Variants in FAM124A observed in about 807,000 individuals in gnomAD.
The protein encoded by FAM124A is protein FAM124A.
A neutral mutation model predicts 24.5 loss-of-function variants in FAM124A; 23 were observed. The observed-to-expected ratio is 0.94, with a 90% CI of 0.68 to 1.33. The LOEUF is 1.33. Among genes scored for constraint, FAM124A ranks in the 40% most tolerant of loss-of-function variants. FAM124A has a pLI of 0.00. For synonymous variants in FAM124A, 287 were observed against 314.7 expected (o/e 0.91, Z 0.93); for missense variants, 623 against 722.8 (o/e 0.86, Z 1.58).
chr13:51,241,985 G>A (rs1954500679), intron 2 of FAM124A, among the ~76,000 whole-genome samples: 2 of 152,178 alleles, frequency 1.3e-5, no homozygotes, highest in Admixed American at 6.5e-5. Context: ...ATAATTGTAA[G>A]GATTCCTCCC....
chr13:51,246,397 C>CGG (rs1954559291), intron 2 of FAM124A, among the ~76,000 whole-genome samples: 2 of 106,312 alleles, frequency 1.9e-5, no homozygotes, highest in Non-Finnish European at 2.1e-5. Context: ...GCATGTTTCT[C>CGG]GTGGGGTGGG....
chr13:51,241,866 A>G, intron 2 of FAM124A, among the ~76,000 whole-genome samples: 1 of 152,194 alleles, frequency 6.6e-6, no homozygotes, highest in Non-Finnish European at 1.5e-5. Flanking sequence ...TTTTATAAGC[A>G]CATATGCAGT....
chr13:51,230,251 A>G (rs1470267083), intron 1 of FAM124A, among the ~76,000 whole-genome samples: 2 of 152,286 alleles, frequency 1.3e-5, no homozygotes, highest in East Asian at 1.9e-4. Context: ...CAATAAATCA[A>G]TGCAGCATTT....
In FAM124A at chr13:51,246,401, G is replaced by GGC. The variant is rs1555273674; in HGVS notation, c.101-5066_101-5065insCG. Among the ~76,000 whole-genome samples, 114 of 122,520 alleles carry GGC rather than the reference G, an allele frequency of 9.3e-4. 4 individuals are homozygous for GGC. The highest frequency in any genetic ancestry group is 8.7e-3 in the South Asian group (29 of 3,316). The allele number at this position is 122,520 out of a possible 152,430, so 80.4% of individuals were successfully genotyped here. On this transcript the variant is annotated intron_variant, in intron 2 of 3. Transcript: ENST00000322475. Reference sequence around the variant, plus strand: ...GCTCCACAGAGGCATGTTTCTCGTGGGGTGGGGGGGGGTGTAACTCTAACA... The same window carrying GGC: ...GCTCCACAGAGGCATGTTTCTCGTGGGCGGTGGGGGGGGGTGTAACTCTAACA...
chr13:51,272,111 A>T lies in FAM124A; in HGVS notation c.835-8339A>T, dbSNP rs1395723423. ...GATAAGTATCTCACACTTAAAGTTC[A>T]GAGAAGCTCTAGCTGTGAGACCAGC... On this transcript the variant is annotated intron_variant, in intron 3 of 3. Coordinates refer to ENST00000322475, the MANE Select transcript of FAM124A (RefSeq NM_001242312.2). The surrounding 1 kb of genome is among the most constrained non-coding windows in gnomAD (Gnocchi z 4.2). Among the ~76,000 whole-genome samples the T allele has an allele frequency of 2.0e-5, 3 of 152,236 alleles. No individual in the cohort carries two copies. The highest frequency in any genetic ancestry group is 4.4e-5 in the Non-Finnish European group (3 of 68,044).
intron 3 of FAM124A, among the ~76,000 whole-genome samples, chr13:51,270,007 C>T (rs946519809): frequency 1.3e-5 from 2 of 152,178 alleles, no homozygotes; most frequent in South Asian, 4.1e-4. Flanking sequence ...TGAGACAGTT[C>T]TGGGGGCCAG....
chr13:51,252,522 T>G, intron 3 of FAM124A: 2 of 383,128 alleles, frequency 5.2e-6, no homozygotes, highest in Non-Finnish European at 4.7e-6. Context: ...GCTTATAAGC[T>G]AGGGAATTTG....
intron 2 of FAM124A, among the ~76,000 whole-genome samples, chr13:51,236,171 T>G (rs927092747): frequency 6.6e-6 from 1 of 152,150 alleles, no homozygotes; most frequent in South Asian, 2.1e-4. Flanking sequence ...ATCACTCTTA[T>G]TGAGAGAAAA....
chr13:51,228,662 T>C (rs185894086), intron 1 of FAM124A, among the ~76,000 whole-genome samples: 63 of 152,334 alleles, frequency 4.1e-4, no homozygotes, highest in Non-Finnish European at 7.5e-4. Flanking sequence ...CCTAATGAAA[T>C]ACCTGGTTAT....
chr13:51,232,596 C>T (rs1416626391), intron 2 of FAM124A, among the ~76,000 whole-genome samples: 2 of 152,252 alleles, frequency 1.3e-5, no homozygotes, highest in Non-Finnish European at 2.9e-5. Flanking sequence ...TCAGTTCAGC[C>T]AACTGGAGAC....
At chr13:51,241,622 G>T (rs1325166389) in intron 2 of FAM124A, among the ~76,000 whole-genome samples, 1 of 152,038 alleles carries the variant, frequency 6.6e-6, no homozygotes, top group South Asian at 2.1e-4. Context: ...CAGTAAGTTT[G>T]TTCTCCAAAT....
Position 51,283,070 on chromosome 13 carries a change from C to T in FAM124A, c.*1814C>T, listed in dbSNP as rs1954955564. On this transcript the variant is annotated 3_prime_UTR_variant, in exon 4 of 4. Coordinates refer to ENST00000322475, the MANE Select transcript of FAM124A (RefSeq NM_001242312.2). ...ATTTTTTTTTTATTTGAGACGGGGT[C>T]TTGCTCTGTTGCCCAGGCTGGAGTG... 6.6e-6 allele frequency: 1 copy of T among 152,018 alleles called. No individual in the cohort carries two copies. Among genetic ancestry groups the T allele is most frequent in the African/African-American group, 2.4e-5 (1 of 41,356 alleles). 9.4% of individuals were successfully genotyped at this position (152,018 alleles called of 1,614,324 possible). A position where few individuals can be genotyped will look rare whatever the true frequency, so the allele number is the denominator to read the frequency against.
chr13:51,266,168 T>C (rs1954784173), intron 3 of FAM124A, among the ~76,000 whole-genome samples: 1 of 152,152 alleles, frequency 6.6e-6, no homozygotes, highest in Non-Finnish European at 1.5e-5. Context: ...TAGGGGATAG[T>C]TTTGGGGGCC....
At chr13:51,231,819 G>A (rs1218964924) in intron 2 of FAM124A, among the ~76,000 whole-genome samples, 1 of 152,170 alleles carries the variant, frequency 6.6e-6, no homozygotes, top group African/African-American at 2.4e-5. Flanking sequence ...TCCAATGGAG[G>A]GAACATCTAT....
In FAM124A at chr13:51,246,402, G is replaced by C. The variant is rs561840119; in HGVS notation, c.101-5066G>C. On this transcript the variant is annotated intron_variant, in intron 2 of 3. Transcript: ENST00000322475. Reference sequence around the variant, plus strand: ...CTCCACAGAGGCATGTTTCTCGTGGGGTGGGGGGGGGTGTAACTCTAACAC... The same window carrying C: ...CTCCACAGAGGCATGTTTCTCGTGGCGTGGGGGGGGGTGTAACTCTAACAC... Among the ~76,000 whole-genome samples, 243 of 125,266 alleles carry C rather than the reference G, an allele frequency of 1.9e-3. 11 individuals carry two copies. The highest frequency in any genetic ancestry group is 7.9e-3 in the Middle Eastern group (2 of 254). 82.2% of individuals were successfully genotyped at this position (125,266 alleles called of 152,430 possible).
intron 3 of FAM124A, among the ~76,000 whole-genome samples, chr13:51,256,315 G>A (rs1054437143): frequency 1.2e-4 from 18 of 152,324 alleles, no homozygotes; most frequent in Middle Eastern, 3.4e-3. Flanking sequence ...CCAAGTCTGT[G>A]GAAAAGTTCT....
intron 2 of FAM124A, among the ~76,000 whole-genome samples, chr13:51,250,601 T>G (rs1566167292): frequency 6.6e-6 from 1 of 152,228 alleles, no homozygotes; most frequent in East Asian, 1.9e-4. Context: ...ACAGGGAGGG[T>G]AACCGACCCA....
At chr13:51,270,305 C>CGTACTTG (rs1954827950) in intron 3 of FAM124A, among the ~76,000 whole-genome samples, 1 of 152,162 alleles carries the variant, frequency 6.6e-6, no homozygotes, top group Non-Finnish European at 1.5e-5. Flanking sequence ...TACTTGCATC[C>CGTACTTG]CATCTTGTCT....
chr13:51,265,176 G>A (rs1212890189), intron 3 of FAM124A, among the ~76,000 whole-genome samples: 1 of 152,190 alleles, frequency 6.6e-6, no homozygotes, highest in Non-Finnish European at 1.5e-5. Flanking sequence ...GACTCCTGGT[G>A]TTGGGGCTGA....
Sources: allele counts gnomAD v4.1 joint callset (sites outside exome capture counted in the v4.1 genomes callset), GRCh38; gene constraint gnomAD v4.1.1; non-coding constraint Gnocchi (gnomAD v3.1); transcripts MANE v1.5; gene names NCBI Gene and HGNC (gene_info 2026-07-23, HGNC 2026-07-21).